The following GRIK2 variants were observed in gnomAD, a reference collection of about 807,000 sequenced individuals.
GRIK2 encodes the protein glutamate receptor ionotropic, kainate 2.
GRIK2 carries 32 observed loss-of-function variants against 100.3 expected under a neutral mutation model. That is an observed-to-expected ratio of 0.32 (90% CI 0.24 to 0.43). The LOEUF (loss-of-function observed/expected upper bound fraction) is 0.43, where lower values mean the gene tolerates loss of function less well. Ranked by LOEUF, GRIK2 falls within the 20% of genes least tolerant of loss-of-function variation. GRIK2 has a pLI of 1.00. For synonymous variants in GRIK2, 417 were observed against 389.4 expected (o/e 1.07, Z -0.83); for missense variants, 843 against 1,114.9 (o/e 0.76, Z 3.47).
intron 14 of GRIK2, among the ~76,000 whole-genome samples, chr6:102,035,016 ACTTC>A (rs1770190723): frequency 6.6e-6 from 1 of 151,238 alleles, no homozygotes; most frequent in African/African-American, 2.4e-5. Context: ...AGCACAAAGA[ACTTC>A]CTTATAAATC....
chr6:101,832,248 G>A (rs903258232), intron 10 of GRIK2, among the ~76,000 whole-genome samples: 1 of 151,810 alleles, frequency 6.6e-6, no homozygotes, highest in East Asian at 1.9e-4. Flanking sequence ...TGATAAATTT[G>A]AAACTCTTTT....
Position 102,055,594 on chromosome 6 carries a change from G to C in GRIK2, c.2562+14G>C, listed in dbSNP as rs1225786772. On this transcript the variant is annotated intron_variant, in intron 16 of 16. Coordinates refer to ENST00000369134, the MANE Select transcript of GRIK2 (RefSeq NM_021956.5). ...CAATTGGAAAAGGTAAATGTTACTT[G>C]TTTCAGTTTAAATTTAAAACAATTT... 6.3e-7 allele frequency: 1 copy of C among 1,578,076 alleles called. No individual in the cohort carries two copies. Among genetic ancestry groups the C allele is most frequent in the South Asian group, 1.1e-5 (1 of 88,756 alleles).
chr6:101,887,693 G>A (rs1031618720), intron 11 of GRIK2, among the ~76,000 whole-genome samples: 1 of 152,112 alleles, frequency 6.6e-6, no homozygotes, highest in African/African-American at 2.4e-5. Flanking sequence ...GAGAGGGGAA[G>A]CAAGCACCCT....
intron 4 of GRIK2, among the ~76,000 whole-genome samples, chr6:101,659,732 C>T (rs2518294): frequency 0.64 from 96,657 of 151,966 alleles, 32,401 homozygotes; most frequent in Non-Finnish European, 0.76. Flanking sequence ...GCTTATGAAG[C>T]TTAGTTTGGC....
At chr6:101,502,800 CTAT>C (rs1773831238) in intron 2 of GRIK2, among the ~76,000 whole-genome samples, 2 of 152,142 alleles carry the variant, frequency 1.3e-5, no homozygotes, top group South Asian at 4.1e-4. Context: ...TTACTTTCTA[CTAT>C]TATTAATCCC....
At chr6:101,892,733 T>C (rs948559689) in intron 12 of GRIK2, among the ~76,000 whole-genome samples, 8 of 151,824 alleles carry the variant, frequency 5.3e-5, no homozygotes, top group African/African-American at 1.9e-4. Flanking sequence ...ACAAACTGTA[T>C]TAAGCAATAT....
At chr6:101,891,544 T>C in intron 12 of GRIK2, 1 of 376,222 alleles carries the variant, frequency 2.7e-6, no homozygotes, top group Non-Finnish European at 5.1e-6. Flanking sequence ...AAAAGGTGGA[T>C]TATATTTTTA....
At position 101,754,737 on chromosome 6, in the gene GRIK2, C is replaced by T. The variant is rs967269927; in HGVS notation, c.952-44911C>T. ...ATCAGGGAGGTGCAGCCTATGCTAACTAGGAACTGGATTATGGGAACGAGG... is the reference window on the plus strand; with the variant it reads ...ATCAGGGAGGTGCAGCCTATGCTAATTAGGAACTGGATTATGGGAACGAGG... On this transcript the variant is annotated intron_variant, in intron 7 of 16. Coordinates refer to ENST00000369134, the MANE Select transcript of GRIK2 (RefSeq NM_021956.5). 2.0e-5 allele frequency among the ~76,000 whole-genome samples: 3 copies of T among 152,118 alleles called. 1 individual carries two copies. Among genetic ancestry groups the T allele is most frequent in the Admixed American group, 2.0e-4 (3 of 15,274 alleles).
At chr6:101,984,329 T>TG in intron 14 of GRIK2, among the ~76,000 whole-genome samples, 1 of 151,494 alleles carries the variant, frequency 6.6e-6, no homozygotes, top group African/African-American at 2.4e-5. Flanking sequence ...GGAAATGAGA[T>TG]TTTTTTTCAG....
At chr6:101,851,768 C>T (rs1451773554) in intron 10 of GRIK2, among the ~76,000 whole-genome samples, 4 of 59,018 alleles carry the variant, frequency 6.8e-5, no homozygotes, top group Non-Finnish European at 1.6e-4. Context: ...TGGCTAATCC[C>T]AGTTAACTAA....
At chr6:102,006,615 G>A (rs1795253900) in intron 14 of GRIK2, among the ~76,000 whole-genome samples, 1 of 151,594 alleles carries the variant, frequency 6.6e-6, no homozygotes, top group Admixed American at 6.6e-5. Context: ...TGATTCTCCT[G>A]CCTTGGCCTC....
intron 2 of GRIK2, among the ~76,000 whole-genome samples, chr6:101,551,491 G>T (rs1235083615): frequency 1.3e-5 from 2 of 152,104 alleles, no homozygotes; most frequent in African/African-American, 4.8e-5. Flanking sequence ...GGACATTTAT[G>T]GTCTAAAAGC....
intron 2 of GRIK2, among the ~76,000 whole-genome samples, chr6:101,523,049 A>G (rs1012571333): frequency 6.6e-6 from 1 of 152,044 alleles, no homozygotes; most frequent in Non-Finnish European, 1.5e-5. Flanking sequence ...CCATGGTTTC[A>G]TGTATGATTT....
chr6:101,677,129 T>C (rs573323992), intron 5 of GRIK2, among the ~76,000 whole-genome samples: 2 of 152,102 alleles, frequency 1.3e-5, no homozygotes, highest in Admixed American at 1.3e-4. Context: ...AGTCAACCAG[T>C]TGAGCAGCTC....
chr6:101,488,350 G>C (rs4840189), intron 2 of GRIK2, among the ~76,000 whole-genome samples: 62,228 of 145,602 alleles, frequency 0.43, 17,486 homozygotes, highest in South Asian at 0.59. Flanking sequence ...ATGTGAAAGA[G>C]GTCATGAGTT....
chr6:101,718,444 A>G (rs1023314695), intron 7 of GRIK2, among the ~76,000 whole-genome samples: 2 of 151,958 alleles, frequency 1.3e-5, no homozygotes, highest in African/African-American at 4.8e-5. Context: ...TATACAAAAA[A>G]TCTTTTTACT....
At chr6:101,447,681 T>G (rs1770455350) in intron 2 of GRIK2, among the ~76,000 whole-genome samples, 1 of 151,734 alleles carries the variant, frequency 6.6e-6, no homozygotes, top group East Asian at 1.9e-4. Flanking sequence ...AGATTGATTT[T>G]TATTTATGAC....
rs1199378638 is a variant in GRIK2, at chr6:101,586,892, C to CAAAA, written c.116-35039_116-35036dup. Among the ~76,000 whole-genome samples the CAAAA allele has an allele frequency of 9.5e-3, 420 of 44,174 alleles. 5 individuals carry two copies. The highest frequency in any genetic ancestry group is 0.012 in the Non-Finnish European group (234 of 18,928). The allele number at this position is 44,174 out of a possible 152,430, so 29.0% of individuals were successfully genotyped here. On this transcript the variant is annotated intron_variant, in intron 2 of 16. Transcript: ENST00000369134. ...GCAAAAGAGCAAGTCTCTGTCTTAACAAAAAAAAAAAAAAAAAAAAAGAGA... is the reference window on the plus strand; with the variant it reads ...GCAAAAGAGCAAGTCTCTGTCTTAACAAAAAAAAAAAAAAAAAAAAAAAAAGAGA...
At chr6:101,648,710 A>G (rs1232293478) in intron 4 of GRIK2, among the ~76,000 whole-genome samples, 2 of 152,130 alleles carry the variant, frequency 1.3e-5, no homozygotes, top group South Asian at 2.1e-4. Context: ...TGAGATAACA[A>G]TTCTACTTTT....
Sources: gnomAD v4.1 joint callset for allele counts (sites outside exome capture counted in the v4.1 genomes callset) on GRCh38, gnomAD v4.1.1 for gene constraint, MANE v1.5 for transcripts, NCBI Gene and HGNC (gene_info 2026-07-23, HGNC 2026-07-21) for gene names.